The following XKR3 variants were observed in gnomAD, a reference collection of about 807,000 sequenced individuals.
XKR3 encodes XK-related protein 3.
Under a neutral mutation model 40.3 loss-of-function variants are expected in XKR3, and 27 were observed. That is an observed-to-expected ratio of 0.67 (90% CI 0.49 to 0.92). The LOEUF (loss-of-function observed/expected upper bound fraction) is 0.92, where lower values mean the gene tolerates loss of function less well. Ranked by LOEUF, XKR3 falls within the 40% of genes least tolerant of loss-of-function variation. The pLI, the probability that XKR3 is intolerant of heterozygous loss-of-function variation, is 0.00. For missense variants in XKR3, 472 were observed against 537.6 expected (o/e 0.88, Z 1.21); for synonymous variants, 193 against 195.4 (o/e 0.99, Z 0.10).
At chr22:16,801,286 G>A (rs1418976766) in intron 2 of XKR3, among the ~76,000 whole-genome samples, 1 of 150,656 alleles carries the variant, frequency 6.6e-6, no homozygotes, top group Non-Finnish European at 1.5e-5. Context: ...GCTCATGCCT[G>A]GAATCCAGCA....
intron 3 of XKR3, among the ~76,000 whole-genome samples, chr22:16,794,214 G>GCT (rs1426579893): frequency 6.6e-6 from 1 of 152,132 alleles, no homozygotes; most frequent in Non-Finnish European, 1.5e-5. Context: ...CCAGCCAGAT[G>GCT]CTATGTAAGA....
At chr22:16,812,027 A>G (rs1394659069) in intron 1 of XKR3, among the ~76,000 whole-genome samples, 1 of 152,116 alleles carries the variant, frequency 6.6e-6, no homozygotes, top group African/African-American at 2.4e-5. Context: ...AAACAAACAA[A>G]AAACAACAAA....
At chr22:16,805,032 C>T (rs1403881134) in intron 2 of XKR3, among the ~76,000 whole-genome samples, 2 of 152,044 alleles carry the variant, frequency 1.3e-5, no homozygotes, top group Admixed American at 6.5e-5. Context: ...ATAAGTGAAA[C>T]ATGTAAACTC....
rs5844282 is a variant in XKR3 at position 16,811,119 on chromosome 22, CTT to C, written c.-10-3038_-10-3037del. 9.6e-3 allele frequency among the ~76,000 whole-genome samples: 1,295 copies of C among 134,864 alleles called. 13 individuals carry two copies. The highest frequency in any genetic ancestry group is 0.027 in the African/African-American group (1,003 of 36,520). The allele number at this position is 134,864 out of a possible 152,430, so 88.5% of individuals were successfully genotyped here. ...TCTTTTTTTTCTTTTTCACTTTCTTCTTTTTTTTTTTTTTTTTAATAGGAAGT... is the reference window on the plus strand; with the variant it reads ...TCTTTTTTTTCTTTTTCACTTTCTTCTTTTTTTTTTTTTTTAATAGGAAGT... On this transcript the variant is annotated intron_variant, in intron 1 of 3. Coordinates refer to ENST00000684488, the MANE Select transcript of XKR3 (RefSeq NM_001386955.1).
Position 16,784,095 on chromosome 22 carries a change from C to T in XKR3, c.904G>A (p.Gly302Ser). Reference protein sequence around the residue: ...GNKENNSNMVGTVLMLFLITL... With the variant: ...GNKENNSNMVSTVLMLFLITL... ...ATCAAGAAAAGCATCAGTACTGTAC[C>T]CACCATATTGGAATTATTTTCTTTG... Residue 302 changes from glycine (G) to serine (S), a missense_variant, in exon 4 of 4, where the codon GGT (glycine) becomes AGT (serine). Coordinates refer to ENST00000684488, the MANE Select transcript of XKR3 (RefSeq NM_001386955.1). 1 of 1,614,122 alleles carries T rather than the reference C, an allele frequency of 6.2e-7. No homozygotes were observed. Among genetic ancestry groups the T allele is most frequent in the Non-Finnish European group, 8.5e-7 (1 of 1,180,036 alleles).
chr22:16,824,822 A>T (rs898288200), intron 1 of XKR3, among the ~76,000 whole-genome samples: 3 of 152,204 alleles, frequency 2.0e-5, no homozygotes, highest in African/African-American at 7.2e-5. Flanking sequence ...TGCACATATG[A>T]AAAGGGCCAC....
At chr22:16,821,935 A>AT (rs1267628332) in intron 1 of XKR3, among the ~76,000 whole-genome samples, 1 of 151,992 alleles carries the variant, frequency 6.6e-6, no homozygotes, top group Non-Finnish European at 1.5e-5. Context: ...TATTTTTATT[A>AT]TTTTTTGCCA....
chr22:16,808,358 T>C (rs115800863), intron 1 of XKR3, among the ~76,000 whole-genome samples: 1,621 of 152,314 alleles, frequency 0.011, 34 homozygotes, highest in African/African-American at 0.038. Flanking sequence ...ACTGAGATGA[T>C]AGTCCTATCT....
At position 16,783,590 on chromosome 22, in the gene XKR3, A is replaced by G; in HGVS notation, c.*29T>C. 3 of 1,493,400 alleles carry G rather than the reference A, an allele frequency of 2.0e-6. No homozygotes were observed. The highest frequency in any genetic ancestry group is 2.7e-6 in the Non-Finnish European group (3 of 1,118,200). 92.5% of individuals were successfully genotyped at this position (1,493,400 alleles called of 1,614,324 possible). On this transcript the variant is annotated 3_prime_UTR_variant, in exon 4 of 4. Coordinates refer to ENST00000684488, the MANE Select transcript of XKR3 (RefSeq NM_001386955.1). Reference sequence around the variant, plus strand: ...CAAGTCACATTCAGCATCTTTACTCATTGTTCTGTGAAAGTATATATGTAT... The same window carrying G: ...CAAGTCACATTCAGCATCTTTACTCGTTGTTCTGTGAAAGTATATATGTAT...
chr22:16,803,809 A>G (rs2060179050), intron 2 of XKR3, among the ~76,000 whole-genome samples: 1 of 152,206 alleles, frequency 6.6e-6, no homozygotes, highest in Admixed American at 6.5e-5. Context: ...TTAGCATACC[A>G]TCAAGAAAGA....
chr22:16,804,882 T>G (rs1226923048), intron 2 of XKR3, among the ~76,000 whole-genome samples: 1 of 152,180 alleles, frequency 6.6e-6, no homozygotes, highest in Non-Finnish European at 1.5e-5. Context: ...ATTGGGCACA[T>G]GTACTCAGGA....
At chr22:16,805,206 C>A (rs2060185097) in intron 2 of XKR3, among the ~76,000 whole-genome samples, 1 of 152,018 alleles carries the variant, frequency 6.6e-6, no homozygotes, top group Non-Finnish European at 1.5e-5. Flanking sequence ...CACAAAAAAA[C>A]ATTAAAGCTA....
At chr22:16,801,061 A>C (rs1032361031) in intron 2 of XKR3, among the ~76,000 whole-genome samples, 1 of 152,184 alleles carries the variant, frequency 6.6e-6, no homozygotes, top group Non-Finnish European at 1.5e-5. Flanking sequence ...TATATGATGG[A>C]GATTATAGGG....
chr22:16,823,499 A>G (rs867117937), intron 1 of XKR3, among the ~76,000 whole-genome samples: 1 of 152,226 alleles, frequency 6.6e-6, no homozygotes, highest in African/African-American at 2.4e-5. Context: ...AGAGCTTGGA[A>G]AAGTGGTGGA....
At chr22:16,809,794 G>T (rs1314810859) in intron 1 of XKR3, among the ~76,000 whole-genome samples, 2 of 152,066 alleles carry the variant, frequency 1.3e-5, no homozygotes, top group Non-Finnish European at 2.9e-5. Context: ...GTCTGGTTCT[G>T]TTGTCCAGGC....
intron 2 of XKR3, among the ~76,000 whole-genome samples, chr22:16,803,873 C>A (rs767047198): frequency 6.6e-6 from 1 of 152,184 alleles, no homozygotes; most frequent in African/African-American, 2.4e-5. Flanking sequence ...TATGGAGTAG[C>A]CATTCTTTTA....
intron 2 of XKR3, among the ~76,000 whole-genome samples, chr22:16,804,929 C>A (rs2060183675): frequency 6.6e-6 from 1 of 152,216 alleles, no homozygotes; most frequent in Non-Finnish European, 1.5e-5. Flanking sequence ...CGGTCACTCA[C>A]ATTTAGCTCA....
At chr22:16,798,262 A>G (rs1161573686) in intron 3 of XKR3, among the ~76,000 whole-genome samples, 1 of 152,130 alleles carries the variant, frequency 6.6e-6, no homozygotes, top group African/African-American at 2.4e-5. Context: ...CGAAACCACA[A>G]TGAGATAGTA....
intron 3 of XKR3, among the ~76,000 whole-genome samples, chr22:16,799,413 CAAA>C (rs528071823): frequency 0.023 from 742 of 32,538 alleles, 34 homozygotes; most frequent in African/African-American, 0.11. Context: ...GACTATGTCT[CAAA>C]AAAAAAAAAA....
Sources: gnomAD v4.1 joint callset for allele counts (sites outside exome capture counted in the v4.1 genomes callset) on GRCh38, gnomAD v4.1.1 for gene constraint, MANE v1.5 for transcripts, NCBI Gene and HGNC (gene_info 2026-07-23, HGNC 2026-07-21) for gene names.